The following CERK variants were observed in gnomAD, a reference collection of about 807,000 sequenced individuals.
The protein encoded by CERK is acylsphingosine kinase.
In CERK, 39 loss-of-function variants were observed where a neutral mutation model predicts 63.4. That is an observed-to-expected ratio of 0.61 (90% CI 0.48 to 0.80). The LOEUF is 0.80. Among genes scored for constraint, CERK ranks in the 30% least tolerant of loss-of-function variants. CERK has a pLI of 0.00. For synonymous variants in CERK, 302 were observed against 280.0 expected, an observed-to-expected ratio of 1.08 and a Z score of -0.78; for missense variants, 670 against 714.1, an observed-to-expected ratio of 0.94 and a Z score of 0.70.
chr22:46,697,450 T>A (rs2082762084), intron 8 of CERK, among the ~76,000 whole-genome samples: 1 of 151,812 alleles, frequency 6.6e-6, no homozygotes, highest in African/African-American at 2.4e-5. Flanking sequence ...CCCGGCTAAT[T>A]TTGTTTTTAA....
At chr22:46,725,757 G>A (rs2082915175) in intron 1 of CERK, among the ~76,000 whole-genome samples, 1 of 152,218 alleles carries the variant, frequency 6.6e-6, no homozygotes, top group Non-Finnish European at 1.5e-5. Flanking sequence ...CAGCGAGTGA[G>A]GCTGGCCTCC....
At chr22:46,711,674 T>C (rs983049854) in intron 4 of CERK, among the ~76,000 whole-genome samples, 2 of 152,232 alleles carry the variant, frequency 1.3e-5, no homozygotes, top group Admixed American at 1.3e-4. Flanking sequence ...TTCCTAGTGT[T>C]TTTCTTGATT....
chr22:46,688,932 A>G (rs1303269399), intron 12 of CERK, among the ~76,000 whole-genome samples: 1 of 152,266 alleles, frequency 6.6e-6, no homozygotes, highest in Non-Finnish European at 1.5e-5. Context: ...GCCTTTTGAA[A>G]AAATCAACTT....
intron 8 of CERK, among the ~76,000 whole-genome samples, chr22:46,695,841 C>T (rs135677): frequency 0.52 from 79,431 of 152,166 alleles, 21,820 homozygotes; most frequent in African/African-American, 0.68. Context: ...GCGCTGTCCA[C>T]GGGGCTGCCA....
intron 1 of CERK, among the ~76,000 whole-genome samples, chr22:46,737,199 G>A (rs2082977964): frequency 6.6e-6 from 1 of 151,680 alleles, no homozygotes; most frequent in Non-Finnish European, 1.5e-5. Flanking sequence ...GGCTGAGGCA[G>A]GGAGAATTGC....
intron 1 of CERK, among the ~76,000 whole-genome samples, chr22:46,724,745 C>T (rs754068170): frequency 1.3e-5 from 2 of 152,000 alleles, no homozygotes; most frequent in African/African-American, 2.4e-5. Flanking sequence ...CTCAGCAGGG[C>T]GGGGTGGCTC....
At chr22:46,711,489 A>G (rs1047024427) in intron 4 of CERK, among the ~76,000 whole-genome samples, 1 of 152,214 alleles carries the variant, frequency 6.6e-6, no homozygotes, top group Non-Finnish European at 1.5e-5. Flanking sequence ...ACACTATACC[A>G]AAGTGTAGTA....
intron 12 of CERK, among the ~76,000 whole-genome samples, chr22:46,688,449 C>T (rs891441177): frequency 6.6e-6 from 1 of 152,244 alleles, no homozygotes; most frequent in African/African-American, 2.4e-5. Flanking sequence ...TCCCTGTGCA[C>T]GGCTGCCTGG....
chr22:46,691,444 TA>T (rs963778619), intron 11 of CERK, 127 bp downstream of exon 11: 69,400 of 531,848 alleles, frequency 0.13, 3 homozygotes, highest in East Asian at 0.21. Context: ...TTTGTGAAAT[TA>T]AAAAAAAAAA....
intron 1 of CERK, among the ~76,000 whole-genome samples, chr22:46,730,496 A>G (rs1484273345): frequency 6.6e-6 from 1 of 152,250 alleles, no homozygotes; most frequent in Non-Finnish European, 1.5e-5. Context: ...TGGAAAGTAC[A>G]GTATCTGAAA....
chr22:46,713,168 C>T (rs143642424), intron 3 of CERK, among the ~76,000 whole-genome samples: 249 of 152,170 alleles, frequency 1.6e-3, no homozygotes, highest in African/African-American at 5.5e-3. Flanking sequence ...AGTAACAAGA[C>T]AGTATCTACC....
Position 46,712,182 on chromosome 22 carries a change from G to T in CERK, c.491C>A (p.Thr164Asn). ...VAPLFTLASI[T>N]TDIIVTEHAN... ...GAATTTGTTACCGATGATGTCAGTGGTGATGGAGGCTAAGGTGAACAGTGG... is the reference window on the plus strand; with the variant it reads ...GAATTTGTTACCGATGATGTCAGTGTTGATGGAGGCTAAGGTGAACAGTGG... The change falls in exon 4 of 13, where the codon ACC (threonine) becomes AAC (asparagine). Residue 164 changes from threonine to asparagine, a missense_variant. Transcript: ENST00000216264. The T allele has an allele frequency of 6.2e-7, 1 of 1,614,178 alleles. No homozygotes were observed. The highest frequency in any genetic ancestry group is 8.5e-7 in the Non-Finnish European group (1 of 1,180,016).
rs527868174 is a variant in CERK, at chr22:46,710,474, C to T, written c.569+612G>A. 7.3e-5 allele frequency among the ~76,000 whole-genome samples: 11 copies of T among 151,572 alleles called. No individual in the cohort carries two copies. The South Asian group carries it at 2.1e-3, about 29-fold the overall frequency. ...GAATGTAAGTTAATAGAATCTCTTTCGAAAGCAATATGGCTGTACACGGCA... is the reference window on the plus strand; with the variant it reads ...GAATGTAAGTTAATAGAATCTCTTTTGAAAGCAATATGGCTGTACACGGCA... On this transcript the variant is annotated intron_variant, in intron 5 of 12. Coordinates refer to ENST00000216264, the MANE Select transcript of CERK (RefSeq NM_022766.6).
chr22:46,699,334 G>C lies in CERK; in HGVS notation c.922C>G (p.Leu308Val), dbSNP rs1257794000. The C allele has an allele frequency of 1.9e-6, 3 of 1,614,060 alleles. No homozygotes were observed. Among genetic ancestry groups the C allele is most frequent in the Non-Finnish European group, 2.5e-6 (3 of 1,180,016 alleles). ...KDSEKKRWLGLARYDFSGLKT... is the reference protein window; with the variant it reads ...KDSEKKRWLGVARYDFSGLKT... The stretch of plus-strand genomic sequence containing the variant: ...TTACCTGAAAAGTCGTATCTGGCAA[G>C]ACCCAACCACCGTTTCTTCTCACTG... Residue 308 changes from leucine to valine, a missense_variant, in exon 8 of 13, where the codon CTT (leucine) becomes GTT (valine). Leu to Val is a conservative substitution (Grantham distance 32, BLOSUM62 1). Coordinates refer to ENST00000216264, the MANE Select transcript of CERK (RefSeq NM_022766.6).
At chr22:46,732,825 T>C (rs1260004027) in intron 1 of CERK, among the ~76,000 whole-genome samples, 1 of 152,178 alleles carries the variant, frequency 6.6e-6, no homozygotes, top group East Asian at 1.9e-4. Context: ...TTTTCTTCCG[T>C]GAATCGCCTA....
intron 10 of CERK, among the ~76,000 whole-genome samples, chr22:46,692,096 G>T (rs1459788917): frequency 6.6e-6 from 1 of 152,210 alleles, no homozygotes; most frequent in African/African-American, 2.4e-5. Context: ...CCGTCTGTGT[G>T]TGGCCTGAGA....
rs1569319704 is a variant in CERK, at chr22:46,695,243, C to T, written c.1016G>A (p.Gly339Glu). The change falls in exon 9 of 13, where the codon GGA (glycine) becomes GAA (glutamate). Residue 339 changes from glycine (G) to glutamate (E), a missense_variant. Physicochemically the swap from Gly to Glu is moderately conservative, Grantham distance 98 (BLOSUM62 -2). Coordinates refer to ENST00000216264, the MANE Select transcript of CERK (RefSeq NM_022766.6). ...GCAGGGCTTCCTATCCCTTGGAGATCCCACCGTGTGTTGTGCAGGGAGGAA... is the reference window on the plus strand; with the variant it reads ...GCAGGGCTTCCTATCCCTTGGAGATTCCACCGTGTGTTGTGCAGGGAGGAA... ...VSFLPAQHTV[G>E]SPRDRKPCRA... The T allele has an allele frequency of 6.2e-7, 1 of 1,609,364 alleles. No individual in the cohort carries two copies. Among genetic ancestry groups the T allele is most frequent in the South Asian group, 1.1e-5 (1 of 90,860 alleles).
rs756872495 is a variant in CERK, at chr22:46,686,402, A to C, written c.*732T>G. 1 of 152,234 alleles carries C rather than the reference A, an allele frequency of 6.6e-6. No individual in the cohort carries two copies. Among genetic ancestry groups the C allele is most frequent in the Non-Finnish European group, 1.5e-5 (1 of 68,074 alleles). 9.4% of individuals were successfully genotyped at this position (152,234 alleles called of 1,614,324 possible). A position where few individuals can be genotyped will look rare whatever the true frequency, so the allele number is the denominator to read the frequency against. On this transcript the variant is annotated 3_prime_UTR_variant, in exon 13 of 13. Transcript: ENST00000216264. ...GGTATTTGACATTTTAACAGTAACA[A>C]ACTTGCCAGTGCTTTACACACTGCC...
At chr22:46,728,120 C>T (rs1183593488) in intron 1 of CERK, among the ~76,000 whole-genome samples, 1 of 152,104 alleles carries the variant, frequency 6.6e-6, no homozygotes, top group Admixed American at 6.5e-5. Context: ...TTAGACGACA[C>T]CCGCAGAACT....
Sources: gnomAD v4.1 joint callset for allele counts (sites outside exome capture counted in the v4.1 genomes callset) on GRCh38, gnomAD v4.1.1 for gene constraint, MANE v1.5 for transcripts, NCBI Gene and HGNC (gene_info 2026-07-23, HGNC 2026-07-21) for gene names.